The following CYP26B1 variants were observed in gnomAD, a reference collection of about 807,000 sequenced individuals.
CYP26B1 encodes cytochrome P450 26B1.
CYP26B1 carries 8 observed loss-of-function variants against 39.1 expected under a neutral mutation model. The observed-to-expected ratio is 0.20, with a 90% CI of 0.12 to 0.37. The LOEUF is 0.37. CYP26B1 is among the 10% of genes least tolerant of loss of function. The pLI is 1.00. For synonymous variants in CYP26B1, 321 were observed against 314.3 expected, an observed-to-expected ratio of 1.02 and a Z score of -0.23; for missense variants, 615 against 707.0, an observed-to-expected ratio of 0.87 and a Z score of 1.48.
chr2:72,143,991 T>C lies in CYP26B1; in HGVS notation c.427A>G (p.Lys143Glu). ...SIGDIHRNKR[K>E]VFSKIFSHEA... ...AAGAAAACGGGCAGAGTTCTTACCT[T>C]GCGCTTGTTGCGGTGGATGTCGCCA... Residue 143 changes from lysine to glutamate, a missense_variant and splice_region_variant, in exon 2 of 6, where the codon AAG becomes GAG. By Grantham distance (56) the Lys-to-Glu change is moderately conservative. Coordinates refer to ENST00000001146, the MANE Select transcript of CYP26B1 (RefSeq NM_019885.4). 1 of 1,613,398 alleles carries C rather than the reference T, an allele frequency of 6.2e-7. No homozygotes were observed. The highest frequency in any genetic ancestry group is 8.5e-7 in the Non-Finnish European group (1 of 1,179,986).
intron 2 of CYP26B1, among the ~76,000 whole-genome samples, chr2:72,138,506 C>T (rs543645592): frequency 1.8e-3 from 274 of 152,308 alleles, no homozygotes; most frequent in African/African-American, 6.3e-3. Context: ...CCACAGGCAT[C>T]GCAGGAGCCA....
At chr2:72,135,735 A>G (rs569052802) in intron 2 of CYP26B1, among the ~76,000 whole-genome samples, 32 of 152,304 alleles carry the variant, frequency 2.1e-4, no homozygotes, top group African/African-American at 7.2e-4. Flanking sequence ...ACAGGGAAGT[A>G]GGGGAAGGCC....
Position 72,132,172 on chromosome 2 carries a change from C to G in CYP26B1, c.*55G>C, listed in dbSNP as rs1483639845. ...CCCCCTCCCACACACAGGTTTCTAC[C>G]TCCCACAACCACCACCCCGCTGCCT... On this transcript the variant is annotated 3_prime_UTR_variant, in exon 6 of 6. Coordinates refer to ENST00000001146, the MANE Select transcript of CYP26B1 (RefSeq NM_019885.4). The G allele has an allele frequency of 6.4e-7, 1 of 1,556,000 alleles. No individual in the cohort carries two copies. Among genetic ancestry groups the G allele is most frequent in the African/African-American group, 1.4e-5 (1 of 73,776 alleles).
Position 72,132,388 on chromosome 2 carries a change from T to C in CYP26B1, c.1378A>G (p.Ser460Gly), listed in dbSNP as rs1300724508. The C allele has an allele frequency of 6.2e-7, 1 of 1,611,602 alleles. No individual in the cohort carries two copies. Among genetic ancestry groups the C allele is most frequent in the South Asian group, 1.1e-5 (1 of 90,932 alleles). ...GTGGCCAGCTCAAAGCGGCTGGTGC[T>C]AGCCAGCTCCACCGCCAGCACCTTC... ...FLKVLAVELA[S>G]TSRFELATRT... Residue 460 changes from serine (S) to glycine (G), a missense_variant, in exon 6 of 6, where the codon AGC becomes GGC. Transcript: ENST00000001146.
intron 1 of CYP26B1, among the ~76,000 whole-genome samples, chr2:72,145,800 CAA>C (rs927292923): frequency 1.3e-5 from 2 of 152,124 alleles, no homozygotes; most frequent in African/African-American, 4.8e-5. Flanking sequence ...ACGGTCTTCA[CAA>C]AGAGTACTTT....
At chr2:72,142,733 C>G (rs920818543) in intron 2 of CYP26B1, among the ~76,000 whole-genome samples, 2 of 152,192 alleles carry the variant, frequency 1.3e-5, no homozygotes, top group Non-Finnish European at 2.9e-5. Context: ...CCCCTTCCAG[C>G]CACTCCCCAG....
chr2:72,143,373 G>T lies in CYP26B1; in HGVS notation c.429+616C>A, dbSNP rs905682123. On this transcript the variant is annotated intron_variant, in intron 2 of 5. Coordinates refer to ENST00000001146, the MANE Select transcript of CYP26B1 (RefSeq NM_019885.4). ...ACACCCACTTTCCCTTCCTCTTTCG[G>T]GGGGGGGTGGGTGCGCTTTGATCCC... Among the ~76,000 whole-genome samples the T allele has an allele frequency of 7.9e-5, 12 of 151,342 alleles. No individual in the cohort carries two copies. In the East Asian group the frequency reaches 1.8e-3, roughly 22 times the overall value.
chr2:72,134,494 A>G (rs1312141555), intron 4 of CYP26B1, among the ~76,000 whole-genome samples: 1 of 152,114 alleles, frequency 6.6e-6, no homozygotes, highest in Non-Finnish European at 1.5e-5. Flanking sequence ...GGATATTGGG[A>G]CTAGGAAATG....
chr2:72,141,525 C>T (rs1307231353), intron 2 of CYP26B1, among the ~76,000 whole-genome samples: 1 of 152,202 alleles, frequency 6.6e-6, no homozygotes, highest in Admixed American at 6.5e-5. Context: ...ACACCTGGGC[C>T]CCACTTCCTG....
intron 2 of CYP26B1, 118 bp downstream of exon 2, chr2:72,143,871 C>A (rs915314695): frequency 1.6e-5 from 20 of 1,270,564 alleles, no homozygotes; most frequent in Middle Eastern, 5.2e-4. Context: ...GCGGAGTCTT[C>A]AAGCATGGTG....
At position 72,139,629 on chromosome 2, in the gene CYP26B1, G is replaced by C. The variant is rs535153813; in HGVS notation, c.430-4210C>G. Among the ~76,000 whole-genome samples the C allele has an allele frequency of 2.3e-4, 35 of 152,374 alleles. 1 individual carries two copies. In the South Asian group the frequency reaches 7.0e-3, roughly 31 times the overall value. On this transcript the variant is annotated intron_variant, in intron 2 of 5. Coordinates refer to ENST00000001146, the MANE Select transcript of CYP26B1 (RefSeq NM_019885.4). The stretch of plus-strand genomic sequence containing the variant: ...CATACCTACAGCACAAGGTGGGCAA[G>C]ACAGGGAGGGGCGGGCAGCACTTGG...
Position 72,132,431 on chromosome 2 carries a change from G to C in CYP26B1, c.1335C>G (p.His445Gln), listed in dbSNP as rs200419940. Residue 445 changes from histidine (H) to glutamine (Q), a missense_variant, in exon 6 of 6, where the codon CAC becomes CAG. His to Gln is a conservative substitution (Grantham distance 24). Coordinates refer to ENST00000001146, the MANE Select transcript of CYP26B1 (RefSeq NM_019885.4). ...GGGVRTCLGK[H>Q]LAKLFLKVLA... ...GCACCTTCAGGAACAGCTTGGCCAGGTGCTTGCCCAGGCAGGTCCGGACAC... is the reference window on the plus strand; with the variant it reads ...GCACCTTCAGGAACAGCTTGGCCAGCTGCTTGCCCAGGCAGGTCCGGACAC... 6.2e-7 allele frequency: 1 copy of C among 1,613,192 alleles called. No individual in the cohort carries two copies. Among genetic ancestry groups the C allele is most frequent in the Non-Finnish European group, 8.5e-7 (1 of 1,179,534 alleles).
chr2:72,132,831 T>C (rs561276076), intron 5 of CYP26B1, among the ~76,000 whole-genome samples, 192 bp downstream of exon 5: 1 of 152,360 alleles, frequency 6.6e-6, no homozygotes, highest in African/African-American at 2.4e-5. Context: ...TGACTTCACA[T>C]ATGACACCCA....
At chr2:72,139,675 G>T (rs1676881354) in intron 2 of CYP26B1, among the ~76,000 whole-genome samples, 4 of 152,238 alleles carry the variant, frequency 2.6e-5, no homozygotes, top group African/African-American at 9.6e-5. Context: ...CCGAGCCACA[G>T]TATCTGAGAT....
At chr2:72,144,741 C>T (rs934873264) in intron 1 of CYP26B1, among the ~76,000 whole-genome samples, 3 of 152,188 alleles carry the variant, frequency 2.0e-5, no homozygotes, top group Non-Finnish European at 4.4e-5. Flanking sequence ...CGGCGGCCCT[C>T]GGAGGACTCT....
In CYP26B1 at chr2:72,132,520, G is replaced by C. The variant is rs768357577; in HGVS notation, c.1246C>G (p.Arg416Gly). 6.2e-7 allele frequency: 1 copy of C among 1,610,784 alleles called. No homozygotes were observed. The highest frequency in any genetic ancestry group is 8.5e-7 in the Non-Finnish European group (1 of 1,177,786). The change falls in exon 6 of 6, where the codon CGC becomes GGC. Residue 416 changes from arginine (R) to glycine (G), a missense_variant. By Grantham distance (125) the Arg-to-Gly change is moderately radical. Coordinates refer to ENST00000001146, the MANE Select transcript of CYP26B1 (RefSeq NM_019885.4). ...FKDVNVFDPDRFSQARSEDKD... is the reference protein window; with the variant it reads ...FKDVNVFDPDGFSQARSEDKD... ...TCCTCGCTCCGCGCCTGGCTGAAGC[G>C]ATCGGGGTCGAACACGTTCACGTCT...
At chr2:72,140,903 A>C (rs1016855262) in intron 2 of CYP26B1, among the ~76,000 whole-genome samples, 4 of 152,024 alleles carry the variant, frequency 2.6e-5, no homozygotes, top group African/African-American at 9.7e-5. Flanking sequence ...CCTCCCTTGA[A>C]ATACTCTCCA....
Position 72,144,114 on chromosome 2 carries a change from C to A in CYP26B1, c.304G>T (p.Val102Leu), listed in dbSNP as rs778764988. 45 of 1,611,908 alleles carry A rather than the reference C, an allele frequency of 2.8e-5. No homozygotes were observed. The highest frequency in any genetic ancestry group is 3.4e-5 in the Non-Finnish European group (40 of 1,178,292). ...TGCTCGCCCATGAGGATCTTGCGCA[C>A]GTTCTCCGCGCCGGTCACGCGTATC... is the stretch of plus-strand genomic sequence containing the variant. ...PLIRVTGAEN[V>L]RKILMGEHHL... Residue 102 changes from valine (V) to leucine (L), a missense_variant, in exon 2 of 6, where the codon GTG becomes TTG. By Grantham distance (32) the Val-to-Leu change is conservative. Transcript: ENST00000001146.
chr2:72,134,952 C>T, intron 3 of CYP26B1, 36 bp from the exon 4 acceptor site: 2 of 1,611,474 alleles, frequency 1.2e-6, no homozygotes, highest in Non-Finnish European at 1.7e-6. Flanking sequence ...TATGGAAGGG[C>T]AGGCTCCCAT....
Sources: gnomAD v4.1 joint callset for allele counts (sites outside exome capture counted in the v4.1 genomes callset) on GRCh38, gnomAD v4.1.1 for gene constraint, MANE v1.5 for transcripts, NCBI Gene and HGNC (gene_info 2026-07-23, HGNC 2026-07-21) for gene names.